SORCS1: variants seen among roughly 807,000 people sequenced by gnomAD.
SORCS1 encodes VPS10 domain-containing receptor SorCS1.
A neutral mutation model predicts 146.1 loss-of-function variants in SORCS1; 60 were observed. The observed-to-expected ratio is 0.41, with a 90% CI of 0.33 to 0.51. SORCS1 has a LOEUF of 0.51. Ranked by LOEUF, SORCS1 falls within the 20% of genes least tolerant of loss-of-function variation. The probability of loss-of-function intolerance (pLI) is 0.21; values close to 1 mark genes in which losing one functional copy is unlikely to be tolerated. For synonymous variants in SORCS1, 637 were observed against 584.0 expected (o/e 1.09, Z -1.31); for missense variants, 1,352 against 1,487.6 (o/e 0.91, Z 1.50).
chr10:106,940,015 G>A (rs1203148359), intron 2 of SORCS1, among the ~76,000 whole-genome samples: 1 of 152,182 alleles, frequency 6.6e-6, no homozygotes, highest in Non-Finnish European at 1.5e-5. Context: ...TTGGGACTGG[G>A]AATTCAATGC....
intron 5 of SORCS1, among the ~76,000 whole-genome samples, chr10:106,734,065 T>C (rs1589763297): frequency 6.6e-6 from 1 of 152,208 alleles, no homozygotes; most frequent in East Asian, 1.9e-4. Context: ...CAGCATGTTA[T>C]TCTTTCTGGG....
intron 1 of SORCS1, among the ~76,000 whole-genome samples, chr10:107,084,730 TTTC>T (rs1565019933): frequency 6.6e-6 from 1 of 152,196 alleles, no homozygotes; most frequent in African/African-American, 2.4e-5. Context: ...CCTTGATGTA[TTTC>T]TTAACTAACT....
intron 3 of SORCS1, among the ~76,000 whole-genome samples, chr10:106,808,319 G>A (rs926259783): frequency 2.6e-5 from 4 of 152,108 alleles, no homozygotes; most frequent in South Asian, 2.1e-4. Context: ...CACCTGGCCC[G>A]GTGCTGTTTT....
At chr10:106,579,563 G>C in intron 24 of SORCS1, 89 bp from the exon 25 acceptor site, 3 of 1,350,564 alleles carry the variant, frequency 2.2e-6, no homozygotes, top group Non-Finnish European at 3.1e-6. Context: ...CACACAAGCA[G>C]AGGTAAGTCC....
intron 1 of SORCS1, among the ~76,000 whole-genome samples, chr10:106,990,433 C>CTT (rs1351571087): frequency 6.6e-6 from 1 of 152,070 alleles, no homozygotes; most frequent in Non-Finnish European, 1.5e-5. Context: ...CCACACCTGG[C>CTT]TATTTTTTGT....
At chr10:106,975,868 CTGGG>C (rs1955970615) in intron 1 of SORCS1, among the ~76,000 whole-genome samples, 2 of 152,156 alleles carry the variant, frequency 1.3e-5, no homozygotes, top group African/African-American at 4.8e-5. Context: ...CATCTCCTGG[CTGGG>C]CATGGTGGCT....
At chr10:106,789,360 G>C (rs888357031) in intron 3 of SORCS1, among the ~76,000 whole-genome samples, 3 of 152,150 alleles carry the variant, frequency 2.0e-5, no homozygotes, top group Non-Finnish European at 4.4e-5. Context: ...CCCAGAAAAT[G>C]GGTTTTTCTT....
chr10:107,040,599 T>C (rs1322495391), intron 1 of SORCS1, among the ~76,000 whole-genome samples: 1 of 152,194 alleles, frequency 6.6e-6, no homozygotes, highest in East Asian at 1.9e-4. Context: ...TTTAGGCCAG[T>C]GACAAGAACT....
chr10:106,897,248 A>G (rs1951525503), intron 2 of SORCS1, among the ~76,000 whole-genome samples: 1 of 151,698 alleles, frequency 6.6e-6, no homozygotes, highest in Non-Finnish European at 1.5e-5. Flanking sequence ...TGGTGTCATC[A>G]CAGTTCTCTA....
At chr10:107,058,972 T>C (rs72812917) in intron 1 of SORCS1, among the ~76,000 whole-genome samples, 1,588 of 152,326 alleles carry the variant, frequency 0.01, 15 homozygotes, top group South Asian at 0.029. Context: ...AAAAAGCACA[T>C]TGCTAATAGC....
chr10:106,629,671 G>A (rs1848318934), intron 18 of SORCS1, among the ~76,000 whole-genome samples: 1 of 152,234 alleles, frequency 6.6e-6, no homozygotes, highest in South Asian at 2.1e-4. Context: ...GCTGCAATGT[G>A]ATATTCAATT....
At chr10:106,601,232 A>G (rs1175103789) in intron 23 of SORCS1, among the ~76,000 whole-genome samples, 1 of 152,232 alleles carries the variant, frequency 6.6e-6, no homozygotes, top group Non-Finnish European at 1.5e-5. Flanking sequence ...GAACCTGCTA[A>G]AGCAAATTGA....
chr10:107,080,051 C>T (rs1186060396), intron 1 of SORCS1, among the ~76,000 whole-genome samples: 6 of 152,186 alleles, frequency 3.9e-5, no homozygotes, highest in Admixed American at 3.3e-4. Flanking sequence ...GAATATATTA[C>T]AAACACTCTG....
At chr10:107,015,269 T>C (rs1036173003) in intron 1 of SORCS1, among the ~76,000 whole-genome samples, 1 of 152,112 alleles carries the variant, frequency 6.6e-6, no homozygotes, top group Non-Finnish European at 1.5e-5. Context: ...TGTGGAGAGA[T>C]AGAAAATAGA....
chr10:106,727,346 T>C (rs1297433735), intron 6 of SORCS1, among the ~76,000 whole-genome samples: 2 of 152,188 alleles, frequency 1.3e-5, no homozygotes. Flanking sequence ...GCTGGAGACA[T>C]AATGTTTTTG....
At chr10:107,158,120 G>T (rs1969430957) in intron 1 of SORCS1, among the ~76,000 whole-genome samples, 1 of 152,180 alleles carries the variant, frequency 6.6e-6, no homozygotes, top group South Asian at 2.1e-4. Flanking sequence ...TGAAAACTCT[G>T]TGTGGAAAGT....
intron 1 of SORCS1, among the ~76,000 whole-genome samples, chr10:107,123,180 A>G (rs1966507050): frequency 6.6e-6 from 1 of 152,164 alleles, no homozygotes; most frequent in Non-Finnish European, 1.5e-5. Context: ...ACAAGGGGGT[A>G]TATGGTAAAC....
chr10:106,653,634 A>G (rs1312834188), intron 17 of SORCS1, among the ~76,000 whole-genome samples: 2 of 152,326 alleles, frequency 1.3e-5, no homozygotes, highest in East Asian at 1.9e-4. Context: ...TAGTTTTCCA[A>G]TGCGTTTAAG....
At chr10:107,043,376 G>A (rs1412903795) in intron 1 of SORCS1, among the ~76,000 whole-genome samples, 1 of 152,136 alleles carries the variant, frequency 6.6e-6, no homozygotes, top group Non-Finnish European at 1.5e-5. Flanking sequence ...GTCTTACAAT[G>A]TTGATTCCGC....
Sources: allele counts gnomAD v4.1 joint callset (sites outside exome capture counted in the v4.1 genomes callset), GRCh38; gene constraint gnomAD v4.1.1; transcripts MANE v1.5; gene names NCBI Gene and HGNC (gene_info 2026-07-23, HGNC 2026-07-21).